TRPM3: variants seen among roughly 807,000 people sequenced by gnomAD.
TRPM3 encodes transient receptor potential cation channel subfamily M member 3, also known as long transient receptor potential channel 3.
Under a neutral mutation model 181.2 loss-of-function variants are expected in TRPM3, and 77 were observed. The ratio of observed to expected loss-of-function variants is 0.42; its 90% CI spans 0.35 to 0.51. TRPM3 has a LOEUF of 0.51. Among genes scored for constraint, TRPM3 ranks in the 20% least tolerant of loss-of-function variants. The probability of loss-of-function intolerance (pLI) is 0.01; values close to 1 mark genes in which losing one functional copy is unlikely to be tolerated. For synonymous variants in TRPM3, 745 were observed against 796.4 expected (o/e 0.94, Z 1.09); for missense variants, 1,759 against 2,196.7 (o/e 0.80, Z 3.98).
intron 8 of TRPM3, among the ~76,000 whole-genome samples, chr9:70,690,499 A>G (rs1318228407): frequency 6.6e-6 from 1 of 152,080 alleles, no homozygotes; most frequent in Non-Finnish European, 1.5e-5. Context: ...AGAGAATTAG[A>G]CTCAGTAAGC....
At chr9:71,306,063 G>A (rs1011484881) in intron 1 of TRPM3, among the ~76,000 whole-genome samples, 3 of 152,070 alleles carry the variant, frequency 2.0e-5, no homozygotes, top group African/African-American at 7.2e-5. Flanking sequence ...TTAATAAAAA[G>A]GAAATTTGAC....
chr9:71,172,550 G>C (rs1250675908), intron 1 of TRPM3, among the ~76,000 whole-genome samples: 1 of 152,026 alleles, frequency 6.6e-6, no homozygotes, highest in Non-Finnish European at 1.5e-5. Flanking sequence ...GGCACCACAA[G>C]CGAGTACCAC....
At chr9:70,907,082 C>T (rs2096476997) in intron 1 of TRPM3, among the ~76,000 whole-genome samples, 1 of 152,126 alleles carries the variant, frequency 6.6e-6, no homozygotes, top group Non-Finnish European at 1.5e-5. Context: ...TTATTGAAAA[C>T]AGTATAATTT....
chr9:71,251,262 T>C (rs2082325701), intron 1 of TRPM3, among the ~76,000 whole-genome samples: 1 of 152,156 alleles, frequency 6.6e-6, no homozygotes, highest in Non-Finnish European at 1.5e-5. Flanking sequence ...AATACAAAGA[T>C]TAATGCTCAC....
chr9:70,657,219 G>C (rs1215596054), intron 9 of TRPM3, among the ~76,000 whole-genome samples: 1 of 129,814 alleles, frequency 7.7e-6, no homozygotes, highest in Non-Finnish European at 1.6e-5. Context: ...AAAAAAAAAA[G>C]CTTGTACACC....
intron 1 of TRPM3, among the ~76,000 whole-genome samples, chr9:70,970,949 T>C (rs933704481): frequency 2.0e-5 from 3 of 151,932 alleles, no homozygotes; most frequent in Admixed American, 6.6e-5. Flanking sequence ...TGAAAGAAAA[T>C]AGAAAATTTT....
At chr9:71,321,208 T>C (rs1475723688) in intron 1 of TRPM3, among the ~76,000 whole-genome samples, 1 of 152,178 alleles carries the variant, frequency 6.6e-6, no homozygotes, top group Non-Finnish European at 1.5e-5. Context: ...AATTCAATCA[T>C]TTTTAAAATT....
chr9:71,382,870 A>G (rs888760833), intron 1 of TRPM3, among the ~76,000 whole-genome samples: 4 of 152,044 alleles, frequency 2.6e-5, no homozygotes, highest in African/African-American at 4.8e-5. Context: ...GATGGTTTAT[A>G]TAATGTCTTC....
chr9:71,203,895 C>T (rs372241754), intron 1 of TRPM3, among the ~76,000 whole-genome samples: 8 of 151,948 alleles, frequency 5.3e-5, no homozygotes, highest in African/African-American at 9.7e-5. Flanking sequence ...TATAGTAGTA[C>T]GATTGAAAGT....
At chr9:71,367,540 A>G (rs1286595965) in intron 1 of TRPM3, among the ~76,000 whole-genome samples, 1 of 152,200 alleles carries the variant, frequency 6.6e-6, no homozygotes, top group Non-Finnish European at 1.5e-5. Flanking sequence ...CAGAAAAAGA[A>G]TATTACATGA....
chr9:70,802,700 G>A (rs1375114309), intron 6 of TRPM3, among the ~76,000 whole-genome samples: 2 of 152,008 alleles, frequency 1.3e-5, no homozygotes, highest in Admixed American at 6.6e-5. Flanking sequence ...CACCATTCTT[G>A]CAATTCAGTC....
chr9:71,415,460 T>G (rs2093622528), intron 1 of TRPM3, among the ~76,000 whole-genome samples: 1 of 152,090 alleles, frequency 6.6e-6, no homozygotes, highest in Non-Finnish European at 1.5e-5. Context: ...TTTATCTAGA[T>G]CTGATAAAAA....
At chr9:71,367,441 T>A (rs961059828) in intron 1 of TRPM3, among the ~76,000 whole-genome samples, 1 of 152,218 alleles carries the variant, frequency 6.6e-6, no homozygotes, top group East Asian at 1.9e-4. Context: ...AAGTCTAAAT[T>A]CACCTGTAAA....
chr9:71,433,032 C>T (rs1052964564), intron 1 of TRPM3, among the ~76,000 whole-genome samples: 4 of 152,146 alleles, frequency 2.6e-5, no homozygotes, highest in South Asian at 2.1e-4. Flanking sequence ...AAGGGAAAAG[C>T]GTCTAAGAGT....
At chr9:70,562,042 T>C (rs1004267133) in intron 22 of TRPM3, among the ~76,000 whole-genome samples, 1 of 152,250 alleles carries the variant, frequency 6.6e-6, no homozygotes, top group Non-Finnish European at 1.5e-5. Context: ...CTGTTTATTT[T>C]GTGGTTATCC....
At chr9:71,219,676 GT>G in intron 1 of TRPM3, among the ~76,000 whole-genome samples, 1 of 152,192 alleles carries the variant, frequency 6.6e-6, no homozygotes, top group Non-Finnish European at 1.5e-5. Flanking sequence ...TTCAGGAACT[GT>G]TTTAGATACT....
chr9:70,794,247 T>G (rs1270902566), intron 6 of TRPM3, among the ~76,000 whole-genome samples: 1 of 152,128 alleles, frequency 6.6e-6, no homozygotes, highest in African/African-American at 2.4e-5. Flanking sequence ...ACTCTCCATC[T>G]CTCACGTAAA....
chr9:70,906,916 T>C (rs1420243531), intron 1 of TRPM3, among the ~76,000 whole-genome samples: 2 of 151,510 alleles, frequency 1.3e-5, no homozygotes, highest in African/African-American at 4.9e-5. Context: ...AAAATAATAA[T>C]AAAATAAAAA....
At chr9:71,335,967 A>G (rs1046466721) in intron 1 of TRPM3, among the ~76,000 whole-genome samples, 1 of 152,090 alleles carries the variant, frequency 6.6e-6, no homozygotes, top group Non-Finnish European at 1.5e-5. Context: ...CCAGGAGAAA[A>G]ATATTCAAAG....
Sources: allele counts gnomAD v4.1 joint callset (sites outside exome capture counted in the v4.1 genomes callset), GRCh38; gene constraint gnomAD v4.1.1; transcripts MANE v1.5; gene names NCBI Gene and HGNC (gene_info 2026-07-23, HGNC 2026-07-21).